The following PTPRG variants were observed in gnomAD, a reference collection of about 807,000 sequenced individuals.
The protein encoded by PTPRG is protein tyrosine phosphatase receptor type G.
In PTPRG, 102 loss-of-function variants were observed where a neutral mutation model predicts 165.3. That is an observed-to-expected ratio of 0.62 (90% CI 0.53 to 0.73). PTPRG has a LOEUF of 0.73. Ranked by LOEUF, PTPRG falls within the 30% of genes least tolerant of loss-of-function variation. PTPRG has a pLI of 0.00. For synonymous variants in PTPRG, 675 were observed against 669.5 expected, an observed-to-expected ratio of 1.01 and a Z score of -0.13; for missense variants, 1,866 against 1,861.4, an observed-to-expected ratio of 1.00 and a Z score of -0.05.
At chr3:62,094,907 GCTGCGA>G (rs1402205671) in intron 5 of PTPRG, among the ~76,000 whole-genome samples, 3 of 152,326 alleles carry the variant, frequency 2.0e-5, no homozygotes, top group South Asian at 2.1e-4. Flanking sequence ...CATCAGGAAG[GCTGCGA>G]CCTGCCGCAA....
rs1419824779 is a variant in PTPRG, at chr3:62,263,112, G to A, written c.2656+218G>A. On this transcript the variant is annotated intron_variant, in intron 17 of 29. Coordinates refer to ENST00000474889, the MANE Select transcript of PTPRG (RefSeq NM_002841.4). ...GTCAGGGCTCAGCGAGCTTAATAAG[G>A]TGACTGAAAGAAAATGTTTGGAGCT... 9 of 450,234 alleles carry A rather than the reference G, an allele frequency of 2.0e-5. No homozygotes were observed. In the East Asian group the frequency reaches 2.7e-4, roughly 14 times the overall value. 27.9% of individuals were successfully genotyped at this position (450,234 alleles called of 1,614,324 possible). A position where few individuals can be genotyped will look rare whatever the true frequency, so the allele number is the denominator to read the frequency against.
At chr3:61,759,977 C>T (rs1260904525) in intron 2 of PTPRG, among the ~76,000 whole-genome samples, 5 of 152,046 alleles carry the variant, frequency 3.3e-5, no homozygotes, top group Non-Finnish European at 5.9e-5. Context: ...CCCTTCATGT[C>T]TGGCAAGCCA....
intron 1 of PTPRG, among the ~76,000 whole-genome samples, chr3:61,597,346 A>T (rs1700728328): frequency 6.6e-6 from 1 of 152,188 alleles, no homozygotes. Flanking sequence ...AAATTTGCAG[A>T]TGCTCAAGTC....
At chr3:62,155,991 T>A (rs955110177) in intron 6 of PTPRG, among the ~76,000 whole-genome samples, 2 of 152,276 alleles carry the variant, frequency 1.3e-5, no homozygotes, top group African/African-American at 2.4e-5. Flanking sequence ...GAATCCCAGA[T>A]GTAAATTCAA....
intron 2 of PTPRG, among the ~76,000 whole-genome samples, chr3:61,804,447 T>A (rs2035350663): frequency 6.6e-6 from 1 of 152,194 alleles, no homozygotes; most frequent in Non-Finnish European, 1.5e-5. Context: ...CAGGCTTGGT[T>A]TGCTTTTATA....
chr3:61,632,515 A>G (rs1005886141), intron 1 of PTPRG, among the ~76,000 whole-genome samples: 2 of 152,184 alleles, frequency 1.3e-5, no homozygotes, highest in Non-Finnish European at 2.9e-5. Flanking sequence ...ATTTTGCTAT[A>G]TGTTCAGCAG....
chr3:62,114,561 A>C (rs1702792617), intron 5 of PTPRG, among the ~76,000 whole-genome samples: 1 of 152,136 alleles, frequency 6.6e-6, no homozygotes, highest in South Asian at 2.1e-4. Flanking sequence ...ATATACTTCA[A>C]CTGTTTGAGT....
rs369505317 is a variant in PTPRG at position 61,676,471 on chromosome 3, A to AAAAAAAAAAAAAG, written c.86-72404_86-72403insAAAAAAAAAGAAA. ...GACTCCATCTCAAAAAAAAAAAAAAAAAAGAAAATTACTAAAGTCTGTGAA... is the reference window on the plus strand; with the variant it reads ...GACTCCATCTCAAAAAAAAAAAAAAAAAAAAAAAAAAAGAAAGAAAATTACTAAAGTCTGTGAA... On this transcript the variant is annotated intron_variant, in intron 1 of 29. Transcript: ENST00000474889. Among the ~76,000 whole-genome samples, 833 of 98,836 alleles carry AAAAAAAAAAAAAG rather than the reference A, an allele frequency of 8.4e-3. 111 individuals are homozygous for AAAAAAAAAAAAAG. The highest frequency in any genetic ancestry group is 0.015 in the Non-Finnish European group (627 of 43,208). 64.8% of individuals were successfully genotyped at this position (98,836 alleles called of 152,430 possible). A position where few individuals can be genotyped will look rare whatever the true frequency, so the allele number is the denominator to read the frequency against.
intron 4 of PTPRG, among the ~76,000 whole-genome samples, chr3:62,068,532 G>C (rs960041150): frequency 6.6e-5 from 10 of 152,270 alleles, no homozygotes; most frequent in African/African-American, 2.4e-4. Context: ...TTGGAGTGCA[G>C]TGATGCAATC....
chr3:62,144,299 A>G (rs971178670), intron 6 of PTPRG, among the ~76,000 whole-genome samples: 1 of 152,142 alleles, frequency 6.6e-6, no homozygotes, highest in East Asian at 1.9e-4. Flanking sequence ...GTAAATACTC[A>G]CTCAGGTCAT....
At chr3:61,753,705 C>G (rs1949694) in intron 2 of PTPRG, 20 of 408,330 alleles carry the variant, frequency 4.9e-5, no homozygotes, top group South Asian at 3.6e-4. Flanking sequence ...GCAATTCTCA[C>G]GCTTCAGCCT....
At chr3:61,857,891 G>T (rs1434588520) in intron 2 of PTPRG, among the ~76,000 whole-genome samples, 2 of 152,224 alleles carry the variant, frequency 1.3e-5, no homozygotes, top group South Asian at 2.1e-4. Context: ...ATTATTTGTT[G>T]TGGGGGCTCT....
intron 2 of PTPRG, among the ~76,000 whole-genome samples, chr3:61,880,557 G>A (rs189355136): frequency 1.4e-5 from 2 of 146,326 alleles, no homozygotes; most frequent in African/African-American, 5.1e-5. Context: ...TTGGAAAGTC[G>A]AAGCTGCAGT....
chr3:61,900,440 G>C (rs1376938595), intron 2 of PTPRG, among the ~76,000 whole-genome samples: 2 of 152,188 alleles, frequency 1.3e-5, no homozygotes, highest in Non-Finnish European at 2.9e-5. Flanking sequence ...GGATCTGTTA[G>C]AAGTCTGTAA....
At chr3:61,777,661 C>T (rs765881242) in intron 2 of PTPRG, among the ~76,000 whole-genome samples, 10 of 152,124 alleles carry the variant, frequency 6.6e-5, no homozygotes, top group Non-Finnish European at 1.2e-4. Context: ...CAGCCAAAAC[C>T]GTGGAAATCC....
At chr3:61,805,344 A>C (rs2035379240) in intron 2 of PTPRG, among the ~76,000 whole-genome samples, 1 of 152,148 alleles carries the variant, frequency 6.6e-6, no homozygotes, top group Admixed American at 6.5e-5. Flanking sequence ...GATAGTGCCA[A>C]GGTTAAGAAA....
Position 62,267,926 on chromosome 3 carries a change from A to G in PTPRG, c.2874+107A>G, listed in dbSNP as rs1000562476. On this transcript the variant is annotated intron_variant, in intron 19 of 29. Transcript: ENST00000474889. ...CTTGACAAGGTATAAAGAGTTACGGAAATGAAAAGTGTTCTCTCTGCTTTA... is the reference window on the plus strand; with the variant it reads ...CTTGACAAGGTATAAAGAGTTACGGGAATGAAAAGTGTTCTCTCTGCTTTA... 9 of 1,292,220 alleles carry G rather than the reference A, an allele frequency of 7.0e-6. No individual in the cohort carries two copies. In the African/African-American group the frequency reaches 1.3e-4, roughly 19 times the overall value. The allele number at this position is 1,292,220 out of a possible 1,614,324, so 80.0% of individuals were successfully genotyped here.
At chr3:62,066,801 A>T (rs1701027541) in intron 4 of PTPRG, among the ~76,000 whole-genome samples, 1 of 152,172 alleles carries the variant, frequency 6.6e-6, no homozygotes, top group Non-Finnish European at 1.5e-5. Flanking sequence ...GCACTTTGGG[A>T]GGCCGAGGTG....
chr3:61,770,270 A>T (rs1173112939), intron 2 of PTPRG: 1 of 152,144 alleles, frequency 6.6e-6, no homozygotes, highest in Non-Finnish European at 1.5e-5. Context: ...TTTAATGTGA[A>T]TGAATAATTT....
Sources: gnomAD v4.1 joint callset for allele counts (sites outside exome capture counted in the v4.1 genomes callset) on GRCh38, gnomAD v4.1.1 for gene constraint, MANE v1.5 for transcripts, NCBI Gene and HGNC (gene_info 2026-07-23, HGNC 2026-07-21) for gene names.